ROS1: variants seen among roughly 807,000 people sequenced by gnomAD.
ROS1 encodes the protein ROS proto-oncogene 1, receptor tyrosine kinase, also known as proto-oncogene tyrosine-protein kinase ROS.
In ROS1, 263 loss-of-function variants were observed where a neutral mutation model predicts 273.5. The observed-to-expected ratio is 0.96, with a 90% CI of 0.87 to 1.06. The LOEUF (loss-of-function observed/expected upper bound fraction) is 1.06, where lower values mean the gene tolerates loss of function less well. ROS1 is among the 50% of genes least tolerant of loss of function. The pLI, the probability that ROS1 is intolerant of heterozygous loss-of-function variation, is 0.00. For synonymous variants in ROS1, 1,008 were observed against 954.1 expected (o/e 1.06, Z -1.04); for missense variants, 2,833 against 2,751.1 (o/e 1.03, Z -0.67).
chr6:117,327,318 A>C (rs113795482), intron 33 of ROS1, among the ~76,000 whole-genome samples: 1,975 of 152,282 alleles, frequency 0.013, 11 homozygotes, highest in South Asian at 0.029. Context: ...GGGTCCCTTT[A>C]AGGACCATCC....
chr6:117,320,897 G>T (rs1193607273), intron 36 of ROS1, among the ~76,000 whole-genome samples: 1 of 149,790 alleles, frequency 6.7e-6, no homozygotes, highest in African/African-American at 2.4e-5. Flanking sequence ...TTGACTTAAG[G>T]CTGACCACGT....
intron 17 of ROS1, among the ~76,000 whole-genome samples, chr6:117,382,574 C>T (rs1772240819): frequency 6.6e-6 from 1 of 151,938 alleles, no homozygotes; most frequent in Non-Finnish European, 1.5e-5. Context: ...CTATTATGGT[C>T]AGAAAAAATT....
intron 16 of ROS1, among the ~76,000 whole-genome samples, chr6:117,383,892 C>T (rs1336359851): frequency 6.6e-6 from 1 of 152,216 alleles, no homozygotes; most frequent in East Asian, 1.9e-4. Context: ...CCTTGCTCTT[C>T]TCTATCAGTG....
intron 32 of ROS1, 80 bp downstream of exon 32, chr6:117,337,092 T>G (rs1249863588): frequency 2.7e-6 from 3 of 1,091,436 alleles, no homozygotes; most frequent in Non-Finnish European, 4.0e-6. Flanking sequence ...ATTTCATATA[T>G]CTCTAGGATT....
At position 117,387,826 on chromosome 6, in the gene ROS1, C is replaced by T; in HGVS notation, c.1953G>A (p.Arg651=). ...CTGAGGGCTCTGACCAGGGGCCTGG[C>T]CTCTTTGGAGAACTTGCTCTCACAG... ...KVSVRASSPK[R]PGPWSEPSVG... Residue 651 remains arginine (R), a synonymous_variant, in exon 14 of 44, where the codon AGG becomes AGA. Transcript: ENST00000368507. 6.2e-7 allele frequency: 1 copy of T among 1,614,174 alleles called. No homozygotes were observed. Among genetic ancestry groups the T allele is most frequent in the Non-Finnish European group, 8.5e-7 (1 of 1,180,028 alleles).
chr6:117,302,884 T>C (rs944421830), intron 42 of ROS1, among the ~76,000 whole-genome samples: 3 of 152,296 alleles, frequency 2.0e-5, no homozygotes, highest in Admixed American at 1.3e-4. Context: ...TCTCTTCTAA[T>C]TGAAGCCTAC....
intron 31 of ROS1, among the ~76,000 whole-genome samples, chr6:117,340,517 A>G (rs1169860819): frequency 6.6e-6 from 1 of 152,214 alleles, no homozygotes; most frequent in Non-Finnish European, 1.5e-5. Flanking sequence ...ATTATAAAAA[A>G]TTAATAATCA....
intron 34 of ROS1, 119 bp downstream of exon 34, chr6:117,326,091 TTATATATATATATA>T (rs56113300): frequency 7.5e-4 from 111 of 148,310 alleles, no homozygotes; most frequent in Admixed American, 1.8e-3. Context: ...GATAATAAGA[TTATATATATATATA>T]TATATATATA....
chr6:117,296,272 G>A (rs748563163), intron 43 of ROS1, among the ~76,000 whole-genome samples: 24 of 152,010 alleles, frequency 1.6e-4, no homozygotes, highest in Middle Eastern at 3.2e-3. Context: ...GTGGTGGCAC[G>A]TGCCTGTAGT....
In ROS1 at chr6:117,385,783, T is replaced by C. The variant is rs575172787; in HGVS notation, c.2189A>G (p.Asp730Gly). 2.5e-6 allele frequency: 4 copies of C among 1,614,162 alleles called. No individual in the cohort carries two copies. The highest frequency in any genetic ancestry group is 1.7e-5 in the Admixed American group (1 of 60,024). The stretch of plus-strand genomic sequence containing the variant: ...GGGTAGGTGATAATTCTCTGAGATA[T>C]CCGTCCCATTCAGCAGCCACACAAA... ...DVFVWLLNGT[D>G]ISENYHLPSI... Residue 730 changes from aspartate (D) to glycine (G), a missense_variant, in exon 16 of 44, where the codon GAT becomes GGT. Transcript: ENST00000368507.
chr6:117,424,088 A>G (rs1775959738), intron 1 of ROS1, among the ~76,000 whole-genome samples: 1 of 152,164 alleles, frequency 6.6e-6, no homozygotes, highest in Non-Finnish European at 1.5e-5. Flanking sequence ...AATAAATAAA[A>G]CGACAGTAAA....
intron 26 of ROS1, among the ~76,000 whole-genome samples, chr6:117,355,830 T>G (rs990869697): frequency 6.6e-6 from 1 of 151,950 alleles, no homozygotes; most frequent in African/African-American, 2.4e-5. Flanking sequence ...AGGCTGGTCT[T>G]GAACTCCTGA....
chr6:117,325,825 G>A (rs1017579564), intron 34 of ROS1, among the ~76,000 whole-genome samples: 1 of 151,966 alleles, frequency 6.6e-6, no homozygotes, highest in Non-Finnish European at 1.5e-5. Flanking sequence ...GGAAGAGGTA[G>A]ATATTGGGGA....
rs376903822 is a variant in ROS1, at chr6:117,301,053, G to T, written c.6636C>A (p.Phe2212Leu). ...AAATGCTATTTAAGAAAAAATTTCTGAATAACTGAAGTTGGTCCTGAATTC... is the reference window on the plus strand; with the variant it reads ...AAATGCTATTTAAGAAAAAATTTCTTAATAACTGAAGTTGGTCCTGAATTC... ...FHRIQDQLQL[F>L]RNFFLNSIYK... is the part of the protein sequence containing the mutation. Residue 2212 changes from phenylalanine (F) to leucine (L), a missense_variant, in exon 43 of 44, where the codon TTC (phenylalanine) becomes TTA (leucine). Coordinates refer to ENST00000368507, the MANE Select transcript of ROS1 (RefSeq NM_001378902.1). 1.9e-6 allele frequency: 3 copies of T among 1,607,372 alleles called. No homozygotes were observed. Among genetic ancestry groups the T allele is most frequent in the Admixed American group, 3.4e-5 (2 of 58,966 alleles).
chr6:117,387,846 T>C lies in ROS1; in HGVS notation c.1933A>G (p.Arg645Gly). ...CCTGGCCTCTTTGGAGAACTTGCTCTCACAGAAACCTTGTATTTCATAGCA... is the reference window on the plus strand; with the variant it reads ...CCTGGCCTCTTTGGAGAACTTGCTCCCACAGAAACCTTGTATTTCATAGCA... ...QSAMKYKVSV[R>G]ASSPKRPGPW... Residue 645 changes from arginine to glycine, a missense_variant, in exon 14 of 44, where the codon AGA becomes GGA. Arg to Gly is a moderately radical substitution (Grantham distance 125). Transcript: ENST00000368507. 6.2e-7 allele frequency: 1 copy of C among 1,614,204 alleles called. No homozygotes were observed. The highest frequency in any genetic ancestry group is 1.3e-5 in the African/African-American group (1 of 75,050).
chr6:117,406,244 T>C (rs1381156902), intron 5 of ROS1, among the ~76,000 whole-genome samples: 2 of 152,158 alleles, frequency 1.3e-5, no homozygotes, highest in Non-Finnish European at 2.9e-5. Context: ...ATTTATTATG[T>C]TATTAGCTAT....
At chr6:117,396,569 C>T (rs1196647055) in intron 8 of ROS1, among the ~76,000 whole-genome samples, 1 of 152,104 alleles carries the variant, frequency 6.6e-6, no homozygotes, top group Non-Finnish European at 1.5e-5. Context: ...AAAATAATTA[C>T]CCTAATGGTT....
intron 39 of ROS1, among the ~76,000 whole-genome samples, chr6:117,316,518 C>A (rs1775931451): frequency 6.6e-6 from 1 of 152,106 alleles, no homozygotes; most frequent in African/African-American, 2.4e-5. Flanking sequence ...TCCTGTCCGC[C>A]ATTCCACAGT....
intron 31 of ROS1, 112 bp from the exon 32 acceptor site, chr6:117,337,452 T>A: frequency 2.5e-6 from 2 of 786,268 alleles, no homozygotes; most frequent in Non-Finnish European, 2.0e-6. Context: ...TCTTTTCTAT[T>A]AAAGAATAAG....
Sources: gnomAD v4.1 joint callset for allele counts (sites outside exome capture counted in the v4.1 genomes callset) on GRCh38, gnomAD v4.1.1 for gene constraint, MANE v1.5 for transcripts, NCBI Gene and HGNC (gene_info 2026-07-23, HGNC 2026-07-21) for gene names.